Variants in CHSY3 observed in about 807,000 individuals in gnomAD.
The protein encoded by CHSY3 is N-acetylgalactosaminyl-proteoglycan 3-beta-glucuronosyltransferase 3.
Under a neutral mutation model 67.2 loss-of-function variants are expected in CHSY3, and 35 were observed. The ratio of observed to expected loss-of-function variants is 0.52; its 90% CI spans 0.40 to 0.69. The LOEUF (loss-of-function observed/expected upper bound fraction) is 0.69, where lower values mean the gene tolerates loss of function less well. CHSY3 is among the 30% of genes least tolerant of loss of function. The pLI is 0.00. For missense variants in CHSY3, 1,069 were observed against 1,138.5 expected, an observed-to-expected ratio of 0.94 and a Z score of 0.88; for synonymous variants, 474 against 434.7, an observed-to-expected ratio of 1.09 and a Z score of -1.12.
intron 2 of CHSY3, among the ~76,000 whole-genome samples, chr5:130,045,538 T>A (rs1765122233): frequency 6.6e-6 from 1 of 152,042 alleles, no homozygotes; most frequent in African/African-American, 2.4e-5. Context: ...CACAAGGATG[T>A]GGGGCAAGAT....
intron 2 of CHSY3, among the ~76,000 whole-genome samples, chr5:130,109,366 A>T (rs1430863424): frequency 6.6e-6 from 1 of 151,678 alleles, no homozygotes; most frequent in African/African-American, 2.4e-5. Context: ...TCTCCTATTG[A>T]AAGTAGCAGA....
Position 129,904,992 on chromosome 5 carries a change from C to G in CHSY3, c.163C>G (p.Pro55Ala), listed in dbSNP as rs773476919. The G allele has an allele frequency of 1.3e-6, 2 of 1,568,110 alleles. No individual in the cohort carries two copies. The highest frequency in any genetic ancestry group is 3.5e-5 in the Admixed American group (2 of 56,640). ...CSYYGRSAAG[P>A]RAGAQQPLPQ... ...CTACTACGGTCGCTCTGCTGCTGGC[C>G]CCCGCGCCGGCGCTCAGCAGCCGCT... Residue 55 changes from proline to alanine, a missense_variant, in exon 1 of 3, where the codon CCC becomes GCC. By Grantham distance (27) the Pro-to-Ala change is conservative. Coordinates refer to ENST00000305031, the MANE Select transcript of CHSY3 (RefSeq NM_175856.5).
intron 2 of CHSY3, among the ~76,000 whole-genome samples, chr5:130,125,613 C>T (rs2149711148): frequency 6.6e-6 from 1 of 152,178 alleles, no homozygotes; most frequent in Non-Finnish European, 1.5e-5. Flanking sequence ...AAGTTAATAC[C>T]TAATTAACAT....
intron 2 of CHSY3, among the ~76,000 whole-genome samples, chr5:130,051,147 C>T (rs1187266283): frequency 6.6e-6 from 1 of 152,078 alleles, no homozygotes; most frequent in African/African-American, 2.4e-5. Context: ...CAATGGTCAC[C>T]TCTGTGGAAG....
chr5:129,942,473 A>T (rs1045536715), intron 2 of CHSY3, among the ~76,000 whole-genome samples: 6 of 152,196 alleles, frequency 3.9e-5, no homozygotes, highest in Admixed American at 3.3e-4. Context: ...ATGTAATAAC[A>T]TCAAATAATT....
chr5:130,002,204 G>A (rs1433115369), intron 2 of CHSY3: 1 of 237,512 alleles, frequency 4.2e-6, no homozygotes, highest in Non-Finnish European at 6.8e-6. Flanking sequence ...AGCCTATATA[G>A]TTAAGGAATA....
chr5:129,929,108 T>C (rs1037156911), intron 2 of CHSY3, among the ~76,000 whole-genome samples: 7 of 152,152 alleles, frequency 4.6e-5, no homozygotes, highest in African/African-American at 1.4e-4. Flanking sequence ...CAAGTATATA[T>C]AATATAAGGA....
intron 2 of CHSY3, among the ~76,000 whole-genome samples, chr5:130,175,121 T>C (rs1489950622): frequency 6.6e-6 from 1 of 152,090 alleles, no homozygotes; most frequent in Non-Finnish European, 1.5e-5. Context: ...CTTGTTTCAG[T>C]GATCCCATTA....
chr5:130,136,253 G>T (rs536798137), intron 2 of CHSY3, among the ~76,000 whole-genome samples: 76 of 152,180 alleles, frequency 5.0e-4, no homozygotes, highest in African/African-American at 1.8e-3. Context: ...GTAGAGAAGT[G>T]GGAAAAGGTC....
chr5:130,051,569 T>A (rs1372141495), intron 2 of CHSY3, among the ~76,000 whole-genome samples: 1 of 152,062 alleles, frequency 6.6e-6, no homozygotes, highest in Non-Finnish European at 1.5e-5. Context: ...TCATAGGATG[T>A]CATTAATACC....
chr5:130,100,261 A>C (rs1438298951), intron 2 of CHSY3, among the ~76,000 whole-genome samples: 3 of 152,018 alleles, frequency 2.0e-5, no homozygotes, highest in Non-Finnish European at 4.4e-5. Flanking sequence ...CGCTCACTGC[A>C]AGCTCTGCTG....
At chr5:130,075,890 A>G (rs1766233852) in intron 2 of CHSY3, among the ~76,000 whole-genome samples, 2 of 152,160 alleles carry the variant, frequency 1.3e-5, no homozygotes, top group Non-Finnish European at 1.5e-5. Flanking sequence ...CATGTTTTCA[A>G]AAAGTACTGT....
chr5:130,135,374 C>A (rs1768629129), intron 2 of CHSY3, among the ~76,000 whole-genome samples: 1 of 151,816 alleles, frequency 6.6e-6, no homozygotes, highest in Non-Finnish European at 1.5e-5. Flanking sequence ...TAGAGATTTA[C>A]CTCATTTACC....
At chr5:130,100,212 C>G (rs140840166) in intron 2 of CHSY3, among the ~76,000 whole-genome samples, 1 of 152,016 alleles carries the variant, frequency 6.6e-6, no homozygotes, top group Non-Finnish European at 1.5e-5. Context: ...AGACGAGTCT[C>G]GCTCTGTCGC....
rs149998384 is a variant in CHSY3 at position 129,931,506 on chromosome 5, T to C, written c.1086+23146T>C. ...TTTGAATAGATGTGTATAAAGACATTATACAAGTTATTGTGGCAGTTAATA... is the reference window on the plus strand; with the variant it reads ...TTTGAATAGATGTGTATAAAGACATCATACAAGTTATTGTGGCAGTTAATA... On this transcript the variant is annotated intron_variant, in intron 2 of 2. Transcript: ENST00000305031. Among the ~76,000 whole-genome samples the C allele has an allele frequency of 3.1e-3, 471 of 152,276 alleles. 4 individuals carry two copies. Among genetic ancestry groups the C allele is most frequent in the African/African-American group, 0.011 (443 of 41,562 alleles).
Position 129,904,744 on chromosome 5 carries a change from A to G in CHSY3, c.-86A>G. 8.1e-7 allele frequency: 1 copy of G among 1,234,498 alleles called. No homozygotes were observed. Among genetic ancestry groups the G allele is most frequent in the Non-Finnish European group, 1.0e-6 (1 of 990,162 alleles). The allele number at this position is 1,234,498 out of a possible 1,614,324, so 76.5% of individuals were successfully genotyped here. ...GCTGCGGCCGCGGCTGGGGGCGCAA[A>G]GGCGGAGGAGGGGCGGGTGTGAGCC... On this transcript the variant is annotated 5_prime_UTR_variant, in exon 1 of 3. Coordinates refer to ENST00000305031, the MANE Select transcript of CHSY3 (RefSeq NM_175856.5).
At chr5:130,045,941 A>G (rs1211847713) in intron 2 of CHSY3, among the ~76,000 whole-genome samples, 1 of 152,046 alleles carries the variant, frequency 6.6e-6, no homozygotes, top group Non-Finnish European at 1.5e-5. Flanking sequence ...CTGAGTATCT[A>G]GATGTGCTGA....
intron 2 of CHSY3, among the ~76,000 whole-genome samples, chr5:130,025,267 G>T (rs1281520227): frequency 6.6e-6 from 1 of 152,092 alleles, no homozygotes; most frequent in Non-Finnish European, 1.5e-5. Flanking sequence ...TAACCTTTAG[G>T]TTGAGACCTG....
chr5:130,168,044 T>C (rs1022980626), intron 2 of CHSY3, among the ~76,000 whole-genome samples: 4 of 152,092 alleles, frequency 2.6e-5, no homozygotes, highest in African/African-American at 9.7e-5. Flanking sequence ...CAGATAAATA[T>C]GCTGAAGAGG....
Sources: gnomAD v4.1 joint callset for allele counts (sites outside exome capture counted in the v4.1 genomes callset) on GRCh38, gnomAD v4.1.1 for gene constraint, MANE v1.5 for transcripts, NCBI Gene and HGNC (gene_info 2026-07-23, HGNC 2026-07-21) for gene names.